FMN1: variants seen among roughly 807,000 people sequenced by gnomAD.
FMN1 encodes the protein formin 1, also known as formin-1.
FMN1 carries 110 observed loss-of-function variants against 132.4 expected under a neutral mutation model. The observed-to-expected ratio is 0.83, with a 90% CI of 0.71 to 0.97. The LOEUF is 0.97. FMN1 is among the 50% of genes least tolerant of loss of function. The pLI is 0.00. For missense variants in FMN1, 1,792 were observed against 1,705.3 expected, an observed-to-expected ratio of 1.05 and a Z score of -0.90; for synonymous variants, 722 against 651.7, an observed-to-expected ratio of 1.11 and a Z score of -1.64.
intron 20 of FMN1, among the ~76,000 whole-genome samples, chr15:32,776,266 G>C (rs1021046098): frequency 2.6e-4 from 39 of 152,180 alleles, no homozygotes; most frequent in Non-Finnish European, 5.1e-4. Context: ...GATTCATTGT[G>C]ATCTCTACTG....
At chr15:32,827,298 C>G (rs898757101) in intron 17 of FMN1, among the ~76,000 whole-genome samples, 1 of 152,170 alleles carries the variant, frequency 6.6e-6, no homozygotes, top group Non-Finnish European at 1.5e-5. Flanking sequence ...GCAGCATTAT[C>G]TTGAGCAGAG....
At chr15:33,025,277 A>G (rs1041710234) in intron 6 of FMN1, among the ~76,000 whole-genome samples, 2 of 152,166 alleles carry the variant, frequency 1.3e-5, no homozygotes, top group Non-Finnish European at 2.9e-5. Context: ...ATATCCCTCT[A>G]CCAGAAATAG....
chr15:32,943,693 T>TC (rs566200570), intron 9 of FMN1, among the ~76,000 whole-genome samples: 137 of 152,320 alleles, frequency 9.0e-4, no homozygotes, highest in African/African-American at 3.0e-3. Flanking sequence ...TTTGAATACC[T>TC]CCAAATTATA....
chr15:33,135,695 T>C (rs1357770229), intron 4 of FMN1, among the ~76,000 whole-genome samples: 2 of 152,210 alleles, frequency 1.3e-5, no homozygotes, highest in South Asian at 2.1e-4. Context: ...GCTAGTGGAA[T>C]CAGTTAGGTT....
chr15:33,016,689 T>C (rs942456461), intron 6 of FMN1, among the ~76,000 whole-genome samples: 1 of 152,168 alleles, frequency 6.6e-6, no homozygotes, highest in Non-Finnish European at 1.5e-5. Context: ...AGCACACACG[T>C]CAGCAAAAGC....
chr15:32,786,619 G>A (rs2056887264), intron 19 of FMN1, among the ~76,000 whole-genome samples: 6 of 152,294 alleles, frequency 3.9e-5, no homozygotes, highest in African/African-American at 1.4e-4. Context: ...AGACTTTGGG[G>A]CATCAGGGAA....
At chr15:32,831,260 C>G (rs2058494204) in intron 17 of FMN1, among the ~76,000 whole-genome samples, 1 of 151,686 alleles carries the variant, frequency 6.6e-6, no homozygotes, top group African/African-American at 2.4e-5. Flanking sequence ...GCTGTGTCAA[C>G]CAGGCTGGAG....
At chr15:32,912,282 C>T (rs2060580059) in intron 10 of FMN1, among the ~76,000 whole-genome samples, 1 of 152,176 alleles carries the variant, frequency 6.6e-6, no homozygotes, top group African/African-American at 2.4e-5. Flanking sequence ...GTATTGTCAG[C>T]TGTGCCCCTT....
intron 7 of FMN1, among the ~76,000 whole-genome samples, chr15:32,974,161 C>G (rs538407991): frequency 7.2e-5 from 11 of 152,146 alleles, no homozygotes; most frequent in African/African-American, 2.4e-4. Context: ...ATTATAAACC[C>G]TCCATTTATT....
In FMN1 at chr15:32,771,033, A is replaced by G. The variant is rs969609085; in HGVS notation, c.*3277T>C. 2 of 151,676 alleles carry G rather than the reference A, an allele frequency of 1.3e-5. No individual in the cohort carries two copies. The highest frequency in any genetic ancestry group is 3.9e-4 in the East Asian group (2 of 5,144). The allele number at this position is 151,676 out of a possible 1,614,324, so 9.4% of individuals were successfully genotyped here. On this transcript the variant is annotated 3_prime_UTR_variant, in exon 21 of 21. Coordinates refer to ENST00000616417, the MANE Select transcript of FMN1 (RefSeq NM_001277313.2). ...CCAGTAAGCTGCCACTTATTGAGAT[A>G]AAAGCCATACAGCACACCTCCTAAC...
At chr15:32,831,517 C>T (rs1261910809) in intron 17 of FMN1, among the ~76,000 whole-genome samples, 1 of 152,042 alleles carries the variant, frequency 6.6e-6, no homozygotes, top group Non-Finnish European at 1.5e-5. Flanking sequence ...CTCAAGGAGC[C>T]CCAGGAGCCA....
intron 5 of FMN1, among the ~76,000 whole-genome samples, chr15:33,079,980 G>A (rs929683587): frequency 1.3e-5 from 2 of 152,136 alleles, no homozygotes; most frequent in African/African-American, 4.8e-5. Context: ...CACATGATCT[G>A]TCTCTCATTC....
intron 17 of FMN1, among the ~76,000 whole-genome samples, chr15:32,846,289 C>G (rs925475919): frequency 6.6e-6 from 1 of 152,128 alleles, no homozygotes; most frequent in Non-Finnish European, 1.5e-5. Flanking sequence ...TCAGAGTGAA[C>G]AGGCAACCTA....
intron 9 of FMN1, among the ~76,000 whole-genome samples, chr15:32,938,131 G>A (rs1229647442): frequency 6.6e-6 from 1 of 151,762 alleles, no homozygotes; most frequent in Non-Finnish European, 1.5e-5. Flanking sequence ...TTTTTTTCAC[G>A]TAGAAACACA....
intron 15 of FMN1, 74 bp from the exon 16 acceptor site, chr15:32,888,366 T>G: frequency 4.4e-6 from 6 of 1,368,964 alleles, no homozygotes; most frequent in Non-Finnish European, 4.9e-6. Flanking sequence ...AAAGCATCAA[T>G]GAGAAAAAAA....
intron 6 of FMN1, among the ~76,000 whole-genome samples, chr15:33,033,905 C>A (rs1196000819): frequency 2.6e-5 from 4 of 152,164 alleles, no homozygotes; most frequent in Non-Finnish European, 4.4e-5. Flanking sequence ...ACTTTCCTCA[C>A]GTAGCATTCA....
chr15:32,994,818 A>G (rs2033666748), intron 7 of FMN1, among the ~76,000 whole-genome samples: 2 of 152,236 alleles, frequency 1.3e-5, no homozygotes, highest in Admixed American at 1.3e-4. Context: ...ATTTACAGCC[A>G]TAAACATAGC....
chr15:33,069,991 C>CTTTTTTTTT (rs1566888327), intron 5 of FMN1, among the ~76,000 whole-genome samples: 9 of 59,554 alleles, frequency 1.5e-4, no homozygotes, highest in African/African-American at 3.4e-4. Flanking sequence ...ATCAGTCTTT[C>CTTTTTTTTT]TCTTTTTTTT....
intron 16 of FMN1, among the ~76,000 whole-genome samples, chr15:32,882,885 C>A (rs2059804494): frequency 6.6e-6 from 1 of 152,218 alleles, no homozygotes; most frequent in Non-Finnish European, 1.5e-5. Flanking sequence ...CCCAATAGCA[C>A]TGACTGACTC....
Sources: allele counts gnomAD v4.1 joint callset (sites outside exome capture counted in the v4.1 genomes callset), GRCh38; gene constraint gnomAD v4.1.1; transcripts MANE v1.5; gene names NCBI Gene and HGNC (gene_info 2026-07-23, HGNC 2026-07-21).